Variants in NEMP2 observed in about 807,000 individuals in gnomAD.
NEMP2 encodes the protein UPF0571 transmembrane protein.
In NEMP2, 53 loss-of-function variants were observed where a neutral mutation model predicts 54.2. The ratio of observed to expected loss-of-function variants is 0.98; its 90% confidence interval spans 0.78 to 1.23. NEMP2 has a LOEUF of 1.23. Ranked by LOEUF, NEMP2 falls within the 50% of genes most tolerant of loss-of-function variation. The pLI is 0.00. For missense variants in NEMP2, 455 were observed against 511.3 expected (o/e 0.89, Z 1.06); for synonymous variants, 197 against 190.3 (o/e 1.04, Z -0.29).
At chr2:190,481,573 T>C in the NEMP2 span, among the ~76,000 whole-genome samples, 1 of 152,228 alleles carries the variant, frequency 6.6e-6, no homozygotes, top group African/African-American at 2.4e-5. Flanking sequence ...CTGCGTCCCC[T>C]TTAGATAAAT....
the NEMP2 span, among the ~76,000 whole-genome samples, chr2:190,570,651 A>G: frequency 1.4e-4 from 22 of 152,358 alleles, no homozygotes; most frequent in African/African-American, 4.6e-4. The surrounding 1 kb of genome is among the most constrained non-coding windows in gnomAD (Gnocchi z 5.4). Context: ...CCAGGGGGGA[A>G]TTCCCAGAAA....
At chr2:190,430,953 C>T in the NEMP2 span, among the ~76,000 whole-genome samples, 197 of 147,964 alleles carry the variant, frequency 1.3e-3, 2 homozygotes, top group African/African-American at 4.4e-3. Context: ...TCAGACGGGG[C>T]GGCTGCTGGG....
the NEMP2 span, among the ~76,000 whole-genome samples, chr2:190,573,590 G>A: frequency 6.6e-6 from 1 of 152,098 alleles, no homozygotes; most frequent in African/African-American, 2.4e-5. Context: ...TGGCAGAGTG[G>A]AGCCTCAAGC....
the NEMP2 span, among the ~76,000 whole-genome samples, chr2:190,427,374 G>A: frequency 6.6e-6 from 1 of 152,212 alleles, no homozygotes; most frequent in South Asian, 2.1e-4. Context: ...AGTGGGAATA[G>A]GGTTATGATC....
In NEMP2 at chr2:190,521,510, AAAG is replaced by A. The variant is rs1690749832; in HGVS notation, c.214-2330_214-2328del. The stretch of plus-strand genomic sequence containing the variant: ...TTTCTCTCAGCATACAACATTTAAA[AAAG>A]AAGAAACAACCTTCTGTGGACTCCA... On this transcript the variant is annotated intron_variant, in intron 2 of 8. Coordinates refer to ENST00000409150, the MANE Select transcript of NEMP2 (RefSeq NM_001142645.2). The surrounding 1 kb of genome is among the most constrained non-coding windows in gnomAD (Gnocchi z 6.2). Among the ~76,000 whole-genome samples the A allele has an allele frequency of 6.6e-6, 1 of 152,190 alleles. No homozygotes were observed. The highest frequency in any genetic ancestry group is 2.4e-5 in the African/African-American group (1 of 41,442).
At chr2:190,624,847 A>C in the NEMP2 span, 1 of 152,246 alleles carries the variant, frequency 6.6e-6, no homozygotes, top group Non-Finnish European at 1.5e-5. Context: ...GTTAGTAATC[A>C]CATGAAAAGA....
Position 190,516,333 on chromosome 2 carries a change from T to C in NEMP2, c.664A>G (p.Ile222Val), listed in dbSNP as rs1379992013. The C allele has an allele frequency of 1.9e-6, 3 of 1,551,450 alleles. No homozygotes were observed. The African/African-American group carries it at 4.1e-5, about 21-fold the overall frequency. Reference protein sequence around the residue: ...MVGCWFASVYIVCQLMEDLKW... With the variant: ...MVGCWFASVYVVCQLMEDLKW... ...AGATCTTCCATCAACTGGCATACAA[T>C]ATAAACTGAGGCAAACCAACAACCA... Residue 222 changes from isoleucine to valine, a missense_variant, in exon 6 of 9, where the codon ATT becomes GTT. Ile to Val is a conservative substitution (Grantham distance 29). Around this residue, in one of 3 missense-constraint regions of NEMP2, gnomAD observed 294 missense variants for 333.6 expected, o/e 0.88. Coordinates refer to ENST00000409150, the MANE Select transcript of NEMP2 (RefSeq NM_001142645.2).
the NEMP2 span, among the ~76,000 whole-genome samples, chr2:190,605,805 C>T: frequency 2.6e-5 from 4 of 152,328 alleles, no homozygotes; most frequent in African/African-American, 9.6e-5. Context: ...TCAGATTTCT[C>T]TGGGAAACTT....
chr2:190,454,312 GAT>G, the NEMP2 span: 1 of 152,112 alleles, frequency 6.6e-6, no homozygotes, highest in African/African-American at 2.4e-5. This position sits in a 1 kb window ranked among gnomAD's most constrained non-coding sequence, Gnocchi z 4.6. Context: ...AGGTATTAAA[GAT>G]AGAGATAAGA....
chr2:190,591,491 G>A, the NEMP2 span, among the ~76,000 whole-genome samples: 1 of 152,116 alleles, frequency 6.6e-6, no homozygotes, highest in Admixed American at 6.6e-5. The surrounding 1 kb of genome is among the most constrained non-coding windows in gnomAD (Gnocchi z 5.4). Context: ...GTGCGTGTGT[G>A]TGTGTGCTGC....
chr2:190,510,371 T>C lies in NEMP2; in HGVS notation c.1120A>G (p.Thr374Ala). 6.4e-7 allele frequency: 1 copy of C among 1,551,530 alleles called. No homozygotes were observed. The highest frequency in any genetic ancestry group is 2.4e-5 in the East Asian group (1 of 40,902). Residue 374 changes from threonine (T) to alanine (A), a missense_variant, in exon 8 of 9, where the codon ACT becomes GCT. Physicochemically the swap from Thr to Ala is moderately conservative, Grantham distance 58. This residue lies in a region of NEMP2 where 294 missense variants were observed against 333.6 expected (regional missense o/e 0.88). Coordinates refer to ENST00000409150, the MANE Select transcript of NEMP2 (RefSeq NM_001142645.2). The surrounding 1 kb of genome is among the most constrained non-coding windows in gnomAD (Gnocchi z 5.7). ...PSWLVVSRLH[T>A]PSKFADFVLG... ...CAGAGCGGGACTTACTTGCTAGGAG[T>C]GTGGAGTCTGGAGACGACCAGCCAT...
the NEMP2 span, among the ~76,000 whole-genome samples, chr2:190,621,742 C>T: frequency 6.6e-6 from 1 of 152,170 alleles, no homozygotes; most frequent in Admixed American, 6.5e-5. Flanking sequence ...GAAACCTTCA[C>T]ATGATGGTCA....
chr2:190,628,200 T>C, the NEMP2 span: 2 of 152,306 alleles, frequency 1.3e-5, no homozygotes, highest in Non-Finnish European at 2.9e-5. This position sits in a 1 kb window ranked among gnomAD's most constrained non-coding sequence, Gnocchi z 4.1. Flanking sequence ...TACTCCATTT[T>C]AGACTCTTAA....
At chr2:190,602,169 A>T in the NEMP2 span, among the ~76,000 whole-genome samples, 1 of 152,312 alleles carries the variant, frequency 6.6e-6, no homozygotes, top group East Asian at 1.9e-4. Flanking sequence ...CGGAGAAGGA[A>T]GGAGAAATAG....
chr2:190,429,127 T>C, the NEMP2 span, among the ~76,000 whole-genome samples: 678 of 152,244 alleles, frequency 4.5e-3, 10 homozygotes, highest in African/African-American at 0.015. Context: ...TCAAGCTTTT[T>C]GCTTATTTTT....
chr2:190,567,448 C>T, the NEMP2 span, among the ~76,000 whole-genome samples: 3 of 152,052 alleles, frequency 2.0e-5, no homozygotes, highest in East Asian at 1.9e-4. The surrounding 1 kb of genome is among the most constrained non-coding windows in gnomAD (Gnocchi z 4.0). Context: ...AAATAAAAAA[C>T]GGCCCACACC....
the NEMP2 span, among the ~76,000 whole-genome samples, chr2:190,430,284 TGGA>T: frequency 5.0e-4 from 74 of 148,884 alleles, no homozygotes; most frequent in African/African-American, 1.8e-3. Flanking sequence ...AGGATAGTAG[TGGA>T]GGGAAGGTCA....
chr2:190,493,287 G>T, the NEMP2 span, among the ~76,000 whole-genome samples: 1 of 152,034 alleles, frequency 6.6e-6, no homozygotes. Flanking sequence ...AAGACAAAGG[G>T]TGACATTATA....
At chr2:190,473,687 T>C in the NEMP2 span, among the ~76,000 whole-genome samples, 1 of 152,134 alleles carries the variant, frequency 6.6e-6, no homozygotes, top group African/African-American at 2.4e-5. Context: ...AGTAAGGATA[T>C]CCAGGAATTG....
Sources: allele counts gnomAD v4.1 joint callset (sites outside exome capture counted in the v4.1 genomes callset), GRCh38; gene constraint gnomAD v4.1.1; regional missense constraint gnomAD v4.1.1; non-coding constraint Gnocchi (gnomAD v3.1); transcripts MANE v1.5; gene names NCBI Gene and HGNC (gene_info 2026-07-23, HGNC 2026-07-21).